The following KALRN variants were observed in gnomAD, a reference collection of about 807,000 sequenced individuals.
KALRN encodes kalirin RhoGEF kinase.
A neutral mutation model predicts 353.7 loss-of-function variants in KALRN; 70 were observed. That is an observed-to-expected ratio of 0.20 (90% CI 0.16 to 0.24). The LOEUF is 0.24. Ranked by LOEUF, KALRN falls within the 10% of genes least tolerant of loss-of-function variation. The pLI is 1.00. For synonymous variants in KALRN, 1,391 were observed against 1,434.8 expected (o/e 0.97, Z 0.69); for missense variants, 2,791 against 3,756.7 (o/e 0.74, Z 6.72).
At chr3:124,717,146 A>G in intron 58 of KALRN, 101 bp from the exon 59 acceptor site, 1 of 1,123,752 alleles carries the variant, frequency 8.9e-7, no homozygotes, top group African/African-American at 1.6e-5. Context: ...TATAACAATA[A>G]GTATGAGAGA....
chr3:124,385,141 G>T, intron 11 of KALRN, 105 bp downstream of exon 11: 3 of 912,806 alleles, frequency 3.3e-6, no homozygotes, highest in Non-Finnish European at 4.8e-6. Flanking sequence ...GTAGTCTGGG[G>T]GTTACTAACT....
chr3:124,161,110 A>G (rs1056179122), intron 1 of KALRN, among the ~76,000 whole-genome samples: 2 of 152,220 alleles, frequency 1.3e-5, no homozygotes, highest in Non-Finnish European at 2.9e-5. Context: ...ACACTTAAAC[A>G]TGGATTAAAT....
chr3:124,599,547 C>T (rs333249), intron 34 of KALRN, among the ~76,000 whole-genome samples: 6,433 of 152,230 alleles, frequency 0.042, 463 homozygotes, highest in African/African-American at 0.15. Flanking sequence ...CCTCCTGCTG[C>T]GATAACTGTT....
intron 10 of KALRN, among the ~76,000 whole-genome samples, chr3:124,368,970 G>C (rs934684830): frequency 6.6e-6 from 1 of 151,912 alleles, no homozygotes; most frequent in Non-Finnish European, 1.5e-5. Context: ...GAATCAGGCA[G>C]GGAGGTTGCA....
At chr3:124,428,814 A>G (rs1203447485) in intron 15 of KALRN, among the ~76,000 whole-genome samples, 2 of 152,198 alleles carry the variant, frequency 1.3e-5, no homozygotes, top group Non-Finnish European at 2.9e-5. Context: ...GCTATAACTC[A>G]TGCTTCCTGT....
intron 1 of KALRN, among the ~76,000 whole-genome samples, chr3:124,047,523 C>T (rs898308750): frequency 9.3e-5 from 13 of 139,166 alleles, no homozygotes; most frequent in East Asian, 8.1e-4. Flanking sequence ...GATGGAGTCT[C>T]GCTCTGTTGC....
intron 1 of KALRN, among the ~76,000 whole-genome samples, chr3:124,070,186 A>G (rs556847234): frequency 1.8e-4 from 28 of 152,214 alleles, no homozygotes; most frequent in Non-Finnish European, 3.4e-4. Context: ...GCTTATGGAC[A>G]GAGACAACTG....
At chr3:124,205,140 C>T (rs1838475) in intron 1 of KALRN, among the ~76,000 whole-genome samples, 143,332 of 152,266 alleles carry the variant, frequency 0.94, 68,065 homozygotes, top group East Asian at 1. Context: ...GACGTGCTGG[C>T]AATGTTTCCA....
chr3:124,049,337 C>A (rs1351681450), intron 1 of KALRN, among the ~76,000 whole-genome samples: 7 of 152,146 alleles, frequency 4.6e-5, no homozygotes, highest in African/African-American at 1.7e-4. Flanking sequence ...ATTCTACCCA[C>A]CACTAAATAG....
At chr3:124,424,128 A>G (rs1285478290) in intron 15 of KALRN, among the ~76,000 whole-genome samples, 3 of 152,126 alleles carry the variant, frequency 2.0e-5, no homozygotes, top group Non-Finnish European at 4.4e-5. Context: ...CTGAGGAGAG[A>G]ACACACCACC....
At chr3:124,105,303 T>C (rs914336522) in intron 1 of KALRN, among the ~76,000 whole-genome samples, 2 of 152,060 alleles carry the variant, frequency 1.3e-5, no homozygotes, top group African/African-American at 4.8e-5. Flanking sequence ...TTTAGAAACT[T>C]TGAGTTTTAG....
At position 124,434,524 on chromosome 3, in the gene KALRN, A is replaced by G. The variant is rs1377398299; in HGVS notation, c.3047A>G (p.Gln1016Arg). The G allele has an allele frequency of 1.2e-6, 2 of 1,614,048 alleles. No homozygotes were observed. The highest frequency in any genetic ancestry group is 3.3e-5 in the Admixed American group (2 of 60,034). Residue 1016 changes from glutamine (Q) to arginine (R), a missense_variant and splice_region_variant, in exon 17 of 60, where the codon CAG (glutamine) becomes CGG (arginine). Physicochemically the swap from Gln to Arg is conservative, Grantham distance 43 (BLOSUM62 1). Coordinates refer to ENST00000682506, the MANE Select transcript of KALRN (RefSeq NM_001388419.1). Reference sequence around the variant, plus strand: ...GTGGCCTTTTACAAAACTTCTGAACAGGTGAGGGAAAAGACTGTGGGGCTT... The same window carrying G: ...GTGGCCTTTTACAAAACTTCTGAACGGGTGAGGGAAAAGACTGTGGGGCTT... Reference protein sequence around the residue: ...ASVAFYKTSEQVCSVLESLEQ... With the variant: ...ASVAFYKTSERVCSVLESLEQ...
chr3:124,464,111 G>C (rs2060106827), intron 25 of KALRN, among the ~76,000 whole-genome samples: 1 of 152,168 alleles, frequency 6.6e-6, no homozygotes, highest in Non-Finnish European at 1.5e-5. Flanking sequence ...TCTGAGCCCA[G>C]CTCAGTATCA....
intron 10 of KALRN, among the ~76,000 whole-genome samples, chr3:124,363,761 T>C (rs1193874539): frequency 6.6e-6 from 1 of 152,224 alleles, no homozygotes; most frequent in African/African-American, 2.4e-5. Flanking sequence ...TTCCCATGTG[T>C]AGCAGGATTA....
intron 1 of KALRN, among the ~76,000 whole-genome samples, chr3:124,210,418 ATATGGTATT>A (rs1410595391): frequency 3.3e-5 from 5 of 152,298 alleles, no homozygotes; most frequent in African/African-American, 1.2e-4. Flanking sequence ...AATTCACTAA[ATATGGTATT>A]TCCCCAGCAT....
rs190606283 is a variant in KALRN at position 124,696,215 on chromosome 3, C to T, written c.7659C>T (p.Asp2553=). 5.0e-5 allele frequency: 81 copies of T among 1,613,962 alleles called. 3 individuals carry two copies. The Admixed American group carries it at 1.3e-3, about 27-fold the overall frequency. The part of the protein sequence containing the change: ...SGIYTCIATN[D]HGTTSTSATV... Reference sequence around the variant, plus strand: ...TTTATACCTGCATAGCAACAAATGACCACGGGACCACATCAACGTCTGCAA... The same window carrying T: ...TTTATACCTGCATAGCAACAAATGATCACGGGACCACATCAACGTCTGCAA... Residue 2553 remains aspartate (D), a synonymous_variant, in exon 54 of 60, where the codon GAC becomes GAT. Coordinates refer to ENST00000682506, the MANE Select transcript of KALRN (RefSeq NM_001388419.1).
chr3:124,420,934 C>T (rs2092751582), intron 14 of KALRN, among the ~76,000 whole-genome samples: 1 of 152,080 alleles, frequency 6.6e-6, no homozygotes, highest in Admixed American at 6.6e-5. Flanking sequence ...TTTAGGTAGC[C>T]ATATGTTGAG....
At chr3:124,386,582 C>T (rs2088363761) in intron 11 of KALRN, among the ~76,000 whole-genome samples, 1 of 152,186 alleles carries the variant, frequency 6.6e-6, no homozygotes, top group South Asian at 2.1e-4. Flanking sequence ...TGAGCTTGTG[C>T]AAGTCACTAT....
At position 124,581,366 on chromosome 3, in the gene KALRN, C is replaced by T. The variant is rs543379002; in HGVS notation, c.5182+18277C>T. On this transcript the variant is annotated intron_variant, in intron 34 of 59. Transcript: ENST00000682506. ...CGAGATCGTGCCACTGCGCTCTAGC[C>T]TGGGTGACAGAGTGAGACTCTGCTC... 1.3e-4 allele frequency among the ~76,000 whole-genome samples: 18 copies of T among 143,812 alleles called. 1 individual carries two copies. In the South Asian group the frequency reaches 3.9e-3, roughly 31 times the overall value. 94.3% of individuals were successfully genotyped at this position (143,812 alleles called of 152,430 possible). A position where few individuals can be genotyped will look rare whatever the true frequency, so the allele number is the denominator to read the frequency against.
Sources: gnomAD v4.1 joint callset for allele counts (sites outside exome capture counted in the v4.1 genomes callset) on GRCh38, gnomAD v4.1.1 for gene constraint, MANE v1.5 for transcripts, NCBI Gene and HGNC (gene_info 2026-07-23, HGNC 2026-07-21) for gene names.